The following MRPS31 variants were observed in gnomAD, a reference collection of about 807,000 sequenced individuals.
The protein encoded by MRPS31 is small ribosomal subunit protein mS31.
A neutral mutation model predicts 43.1 loss-of-function variants in MRPS31; 32 were observed. The ratio of observed to expected loss-of-function variants is 0.74; its 90% CI spans 0.56 to 1.00. The LOEUF (loss-of-function observed/expected upper bound fraction) is 1.00. MRPS31 is among the 50% of genes least tolerant of loss of function. The pLI is 0.00. For synonymous variants in MRPS31, 165 were observed against 161.6 expected (o/e 1.02, Z -0.16); for missense variants, 437 against 466.7 (o/e 0.94, Z 0.59).
intron 1 of MRPS31, among the ~76,000 whole-genome samples, chr13:40,767,679 C>T (rs562403932): frequency 6.6e-6 from 1 of 152,312 alleles, no homozygotes; most frequent in South Asian, 2.1e-4. Context: ...GCTCCCAAGT[C>T]TGTTCCCTCC....
chr13:40,770,785 A>T (rs1354773282), intron 1 of MRPS31, 200 bp downstream of exon 1: 12 of 597,342 alleles, frequency 2.0e-5, no homozygotes, highest in South Asian at 7.8e-5. Flanking sequence ...CGCGGCGTGT[A>T]GTAGAGCACA....
chr13:40,746,076 A>G (rs1880233609), intron 6 of MRPS31, among the ~76,000 whole-genome samples: 1 of 152,212 alleles, frequency 6.6e-6, no homozygotes. Flanking sequence ...TTTTTTATAT[A>G]ATGGAAAAAC....
In MRPS31 at chr13:40,729,612, A is replaced by T; in HGVS notation, c.959-11T>A. 1 of 1,475,168 alleles carries T rather than the reference A, an allele frequency of 6.8e-7. No individual in the cohort carries two copies. Among genetic ancestry groups the T allele is most frequent in the Non-Finnish European group, 9.5e-7 (1 of 1,054,300 alleles). 91.4% of individuals were successfully genotyped at this position (1,475,168 alleles called of 1,614,324 possible). On this transcript the variant is annotated splice_polypyrimidine_tract_variant and intron_variant, in intron 6 of 6. Coordinates refer to ENST00000323563, the MANE Select transcript of MRPS31 (RefSeq NM_005830.4). ...CATCATCATCAAAACCTAGGAAATG[A>T]GACCAAATACATTACATTATAATTT...
chr13:40,753,286 C>G (rs972561033), intron 5 of MRPS31, among the ~76,000 whole-genome samples: 1 of 152,184 alleles, frequency 6.6e-6, no homozygotes, highest in African/African-American at 2.4e-5. Flanking sequence ...TTTGTAAATG[C>G]TGTCTCCTCT....
chr13:40,732,741 AAAG>A (rs1272079087), intron 6 of MRPS31, among the ~76,000 whole-genome samples: 29 of 152,106 alleles, frequency 1.9e-4, no homozygotes, highest in African/African-American at 7.0e-4. Context: ...ACACCTCTTA[AAAG>A]AAGAAAAAAA....
intron 5 of MRPS31, among the ~76,000 whole-genome samples, chr13:40,753,260 C>CA (rs1186880015): frequency 6.6e-6 from 1 of 152,188 alleles, no homozygotes; most frequent in Non-Finnish European, 1.5e-5. Context: ...ATCACTAAGT[C>CA]ACTTCAGTAA....
At chr13:40,741,902 C>G (rs896054615) in intron 6 of MRPS31, among the ~76,000 whole-genome samples, 7 of 142,416 alleles carry the variant, frequency 4.9e-5, no homozygotes, top group Admixed American at 3.4e-4. Context: ...CACACACACA[C>G]ACACACACAC....
At position 40,729,129 on chromosome 13, in the gene MRPS31, T is replaced by C. The variant is rs1276144533; in HGVS notation, c.*243A>G. 3.2e-6 allele frequency: 1 copy of C among 309,484 alleles called. No individual in the cohort carries two copies. The highest frequency in any genetic ancestry group is 6.0e-6 in the Non-Finnish European group (1 of 167,918). The allele number at this position is 309,484 out of a possible 1,614,324, so 19.2% of individuals were successfully genotyped here. ...GGTCACCGAGTGAAAAGAAAAAGGT[T>C]AGGAGTTGTTGTCTTAAATGTATTA... On this transcript the variant is annotated 3_prime_UTR_variant, in exon 7 of 7. Transcript: ENST00000323563.
intron 6 of MRPS31, among the ~76,000 whole-genome samples, chr13:40,746,029 AT>A (rs1188065186): frequency 6.6e-6 from 1 of 152,230 alleles, no homozygotes; most frequent in East Asian, 1.9e-4. Context: ...TGGAAAAATA[AT>A]TTATATGCAT....
Position 40,732,715 on chromosome 13 carries a change from G to A in MRPS31, c.959-3114C>T, listed in dbSNP as rs115990004. On this transcript the variant is annotated intron_variant, in intron 6 of 6. Coordinates refer to ENST00000323563, the MANE Select transcript of MRPS31 (RefSeq NM_005830.4). ...ATCACACCACTGCACTCCAGCCTGAGTGACAGAGTGACACTACACCTCTTA... is the reference window on the plus strand; with the variant it reads ...ATCACACCACTGCACTCCAGCCTGAATGACAGAGTGACACTACACCTCTTA... Among the ~76,000 whole-genome samples the A allele has an allele frequency of 8.7e-4, 133 of 152,172 alleles. 1 individual carries two copies. The highest frequency in any genetic ancestry group is 3.1e-3 in the African/African-American group (130 of 41,528).
chr13:40,735,172 G>A (rs1266460684), intron 6 of MRPS31, among the ~76,000 whole-genome samples: 10 of 152,182 alleles, frequency 6.6e-5, no homozygotes, highest in Non-Finnish European at 8.8e-5. Context: ...AAGGGGTGAC[G>A]GACGGCACCT....
At chr13:40,756,398 A>G (rs1221420581) in intron 4 of MRPS31, among the ~76,000 whole-genome samples, 4 of 152,382 alleles carry the variant, frequency 2.6e-5, no homozygotes, top group South Asian at 2.1e-4. Context: ...CTACCATTTT[A>G]AAGTGTTATA....
At chr13:40,738,222 C>T (rs1355660633) in intron 6 of MRPS31, among the ~76,000 whole-genome samples, 1 of 151,192 alleles carries the variant, frequency 6.6e-6, no homozygotes, top group Non-Finnish European at 1.5e-5. Context: ...CATACACTCT[C>T]CCAAGACTAA....
At chr13:40,747,937 T>A (rs1880284208) in intron 6 of MRPS31, among the ~76,000 whole-genome samples, 1 of 152,218 alleles carries the variant, frequency 6.6e-6, no homozygotes, top group Non-Finnish European at 1.5e-5. Flanking sequence ...TAACACTTTA[T>A]GTTAATTATA....
At chr13:40,767,105 A>G (rs1458808043) in intron 1 of MRPS31, 72 bp from the exon 2 acceptor site, 1 of 1,236,598 alleles carries the variant, frequency 8.1e-7, no homozygotes, top group Non-Finnish European at 1.1e-6. Flanking sequence ...ACTTACTTAC[A>G]ATAAAGTAAA....
chr13:40,764,744 C>T (rs73459600), intron 2 of MRPS31, among the ~76,000 whole-genome samples: 6,840 of 152,254 alleles, frequency 0.045, 314 homozygotes, highest in East Asian at 0.14. Flanking sequence ...ACTGCCAGAC[C>T]TATGAGTGAG....
intron 6 of MRPS31, among the ~76,000 whole-genome samples, chr13:40,739,664 A>G (rs1180311541): frequency 6.6e-6 from 1 of 152,212 alleles, no homozygotes; most frequent in Non-Finnish European, 1.5e-5. Context: ...TCTTTGACAA[A>G]CCTGAGAAAA....
chr13:40,735,700 A>G (rs977788620), intron 6 of MRPS31, among the ~76,000 whole-genome samples: 6 of 152,020 alleles, frequency 3.9e-5, no homozygotes, highest in South Asian at 2.1e-4. Flanking sequence ...GGGTACTCCA[A>G]CAGACCTGCA....
chr13:40,730,047 T>G (rs145742723), intron 6 of MRPS31, among the ~76,000 whole-genome samples: 11 of 151,930 alleles, frequency 7.2e-5, no homozygotes, highest in Non-Finnish European at 1.2e-4. Flanking sequence ...AGATCTAACT[T>G]TGCCCACCAA....
Sources: gnomAD v4.1 joint callset for allele counts (sites outside exome capture counted in the v4.1 genomes callset) on GRCh38, gnomAD v4.1.1 for gene constraint, MANE v1.5 for transcripts, NCBI Gene and HGNC (gene_info 2026-07-23, HGNC 2026-07-21) for gene names.